SHISA9: variants seen among roughly 807,000 people sequenced by gnomAD.
SHISA9 encodes protein shisa-9.
In SHISA9, 13 loss-of-function variants were observed where a neutral mutation model predicts 38.0. The ratio of observed to expected loss-of-function variants is 0.34; its 90% CI spans 0.22 to 0.54. The LOEUF (loss-of-function observed/expected upper bound fraction) is 0.54. Ranked by LOEUF, SHISA9 falls within the 20% of genes least tolerant of loss-of-function variation. The pLI, the probability that SHISA9 is intolerant of heterozygous loss-of-function variation, is 0.91. For missense variants in SHISA9, 538 were observed against 575.8 expected, an observed-to-expected ratio of 0.93 and a Z score of 0.67; for synonymous variants, 275 against 242.0, an observed-to-expected ratio of 1.14 and a Z score of -1.27.
the SHISA9 span, among the ~76,000 whole-genome samples, chr16:13,560,235 A>G: frequency 6.6e-6 from 1 of 152,198 alleles, no homozygotes; most frequent in African/African-American, 2.4e-5. Flanking sequence ...CATTCAGAAG[A>G]AAAGAGCTTC....
the SHISA9 span, among the ~76,000 whole-genome samples, chr16:13,484,208 ATTG>A: frequency 1.3e-5 from 2 of 152,156 alleles, no homozygotes; most frequent in African/African-American, 4.8e-5. Flanking sequence ...CATGTTGATG[ATTG>A]TTGTTGTGGT....
the SHISA9 span, among the ~76,000 whole-genome samples, chr16:13,421,487 G>A: frequency 6.0e-4 from 92 of 152,184 alleles, no homozygotes; most frequent in Middle Eastern, 3.4e-3. Context: ...TCACTACCAC[G>A]AGAACAGTAT....
intron 2 of SHISA9, among the ~76,000 whole-genome samples, chr16:13,087,386 T>C (rs2073725030): frequency 6.6e-6 from 1 of 152,276 alleles, no homozygotes; most frequent in South Asian, 2.1e-4. Context: ...TTCTAGATCC[T>C]TGAGGAATCG....
At chr16:13,225,828 T>G (rs1160224881) in intron 4 of SHISA9, among the ~76,000 whole-genome samples, 1 of 152,094 alleles carries the variant, frequency 6.6e-6, no homozygotes, top group East Asian at 1.9e-4. Context: ...GAGAGACAGA[T>G]GGAGGAAGGT....
chr16:13,551,810 C>T, the SHISA9 span, among the ~76,000 whole-genome samples: 458 of 152,198 alleles, frequency 3.0e-3, 1 homozygote, highest in Non-Finnish European at 5.0e-3. Context: ...GGGCAGATCA[C>T]GAGGTCAGGA....
chr16:13,367,712 G>GCACACACACACACACACACACACA, the SHISA9 span, among the ~76,000 whole-genome samples: 1 of 104,638 alleles, frequency 9.6e-6, no homozygotes, highest in African/African-American at 3.5e-5. Flanking sequence ...GCGCGCGCGC[G>GCACACACACACACACACACACACA]CACACACACA....
At chr16:13,028,649 A>G (rs902927600) in intron 2 of SHISA9, among the ~76,000 whole-genome samples, 1 of 152,328 alleles carries the variant, frequency 6.6e-6, no homozygotes, top group Middle Eastern at 3.4e-3. Flanking sequence ...GCAATTCAAG[A>G]TGAGATTTGG....
At chr16:13,515,355 G>A in the SHISA9 span, among the ~76,000 whole-genome samples, 1 of 152,106 alleles carries the variant, frequency 6.6e-6, no homozygotes, top group Non-Finnish European at 1.5e-5. Flanking sequence ...ATGAAAGAAT[G>A]AAGAGGAGTA....
intron 2 of SHISA9, among the ~76,000 whole-genome samples, chr16:13,181,997 G>T (rs2050783153): frequency 1.3e-5 from 2 of 152,156 alleles, no homozygotes; most frequent in South Asian, 2.1e-4. Flanking sequence ...AGGTGTGCAG[G>T]GACTGACGTG....
chr16:13,412,068 C>G, the SHISA9 span, among the ~76,000 whole-genome samples: 2 of 152,134 alleles, frequency 1.3e-5, no homozygotes, highest in Non-Finnish European at 2.9e-5. Flanking sequence ...TCTGAGTAGT[C>G]TCACCCTAAA....
At chr16:13,441,625 C>A in the SHISA9 span, among the ~76,000 whole-genome samples, 63 of 152,262 alleles carry the variant, frequency 4.1e-4, no homozygotes, top group African/African-American at 1.5e-3. Context: ...CTATAGACTG[C>A]ATGTTTTCTA....
the SHISA9 span, among the ~76,000 whole-genome samples, chr16:13,509,883 A>C: frequency 6.6e-6 from 1 of 152,312 alleles, no homozygotes; most frequent in Middle Eastern, 3.4e-3. Flanking sequence ...ATTTAGGGCA[A>C]GTGACCTCTC....
intron 2 of SHISA9, among the ~76,000 whole-genome samples, chr16:13,046,539 A>C (rs2073190414): frequency 6.6e-6 from 1 of 152,202 alleles, no homozygotes; most frequent in East Asian, 1.9e-4. Context: ...ACAGTAACTT[A>C]TTGAGAGAAT....
At chr16:13,429,030 G>A in the SHISA9 span, among the ~76,000 whole-genome samples, 1 of 152,128 alleles carries the variant, frequency 6.6e-6, no homozygotes, top group Non-Finnish European at 1.5e-5. Context: ...GCCTCCCAAA[G>A]TGCTGGGATT....
In SHISA9 at chr16:12,917,345, C is replaced by T. The variant is rs1229871098; in HGVS notation, c.691+530C>T. Among the ~76,000 whole-genome samples, 5 of 152,190 alleles carry T rather than the reference C, an allele frequency of 3.3e-5. No homozygotes were observed. The East Asian group carries it at 5.8e-4, about 18-fold the overall frequency. On this transcript the variant is annotated intron_variant, in intron 2 of 4. Coordinates refer to ENST00000558583, the MANE Select transcript of SHISA9 (RefSeq NM_001145204.3). ...CATAAAAATAATCCACAGAATATTC[C>T]GTGTGTAGGGGGTGCAGGGAGTGGT...
At chr16:13,487,078 CT>C in the SHISA9 span, among the ~76,000 whole-genome samples, 1 of 152,208 alleles carries the variant, frequency 6.6e-6, no homozygotes, top group African/African-American at 2.4e-5. Context: ...GCCCATTTTT[CT>C]GGTTCCTTTC....
chr16:13,041,734 T>A (rs1457739894), intron 2 of SHISA9, among the ~76,000 whole-genome samples: 1 of 152,080 alleles, frequency 6.6e-6, no homozygotes, highest in African/African-American at 2.4e-5. Flanking sequence ...GTTCTCAAAC[T>A]GTAGGGTACA....
At chr16:12,990,396 A>T (rs2072369677) in intron 2 of SHISA9, among the ~76,000 whole-genome samples, 1 of 152,132 alleles carries the variant, frequency 6.6e-6, no homozygotes, top group Non-Finnish European at 1.5e-5. Flanking sequence ...TTACACTCCC[A>T]CCAACAGTGT....
intron 1 of SHISA9, chr16:12,908,452 A>G: frequency 1.3e-6 from 2 of 1,551,296 alleles, no homozygotes; most frequent in Non-Finnish European, 8.7e-7. Flanking sequence ...TTCTCGTTTA[A>G]TTTCATACCC....
Sources: allele counts gnomAD v4.1 joint callset (sites outside exome capture counted in the v4.1 genomes callset), GRCh38; gene constraint gnomAD v4.1.1; transcripts MANE v1.5; gene names NCBI Gene and HGNC (gene_info 2026-07-23, HGNC 2026-07-21).